The following KLF12 variants were observed in gnomAD, a reference collection of about 807,000 sequenced individuals.
KLF12 encodes the protein Krueppel-like factor 12.
Under a neutral mutation model 37.8 loss-of-function variants are expected in KLF12, and 9 were observed. The observed-to-expected ratio is 0.24, with a 90% CI of 0.14 to 0.42. The LOEUF is 0.42. KLF12 is among the 10% of genes least tolerant of loss of function. The probability of loss-of-function intolerance (pLI) is 1.00; values close to 1 mark genes in which losing one functional copy is unlikely to be tolerated. For synonymous variants in KLF12, 208 were observed against 202.1 expected (o/e 1.03, Z -0.25); for missense variants, 411 against 516.0 (o/e 0.80, Z 1.97).
At chr13:74,134,142 G>C (rs563483676), upstream of KLF12, among the ~76,000 whole-genome samples, 1 of 113,878 alleles carries the variant, frequency 8.8e-6, no homozygotes, top group Non-Finnish European at 1.7e-5. Flanking sequence ...CGCAGCTCAG[G>C]AAACCGGAGA....
At chr13:74,290,122 G>A in the KLF12 span, among the ~76,000 whole-genome samples, 3 of 152,150 alleles carry the variant, frequency 2.0e-5, no homozygotes, top group South Asian at 6.2e-4. Context: ...TAGACCCCCA[G>A]ACAGCATGGG....
chr13:73,750,368 T>G (rs1212533321), intron 6 of KLF12, among the ~76,000 whole-genome samples: 1 of 152,160 alleles, frequency 6.6e-6, no homozygotes, highest in Non-Finnish European at 1.5e-5. Context: ...ATGAGGATAG[T>G]GGAAGAGATG....
At chr13:73,933,731 A>C (rs150717958) in intron 3 of KLF12, among the ~76,000 whole-genome samples, 202 of 152,308 alleles carry the variant, frequency 1.3e-3, no homozygotes, top group African/African-American at 4.5e-3. Context: ...TATACAAAGC[A>C]ATCTGCTCAA....
intron 1 of KLF12, among the ~76,000 whole-genome samples, chr13:74,123,832 T>C (rs1038208489): frequency 1.3e-5 from 2 of 152,228 alleles, no homozygotes; most frequent in African/African-American, 2.4e-5. Context: ...GGGAAAAAAC[T>C]ATTTTACTGG....
In KLF12 at chr13:73,872,449, C is replaced by T. The variant is rs982471252; in HGVS notation, c.124-26076G>A. 6.6e-5 allele frequency among the ~76,000 whole-genome samples: 10 copies of T among 152,240 alleles called. 1 individual carries two copies. Among genetic ancestry groups the T allele is most frequent in the East Asian group, 5.8e-4 (3 of 5,186 alleles). On this transcript the variant is annotated intron_variant, in intron 3 of 7. Transcript: ENST00000377669. The stretch of plus-strand genomic sequence containing the variant: ...ATGGATTACTAAATCTCCTCAGTGC[C>T]GTATCTGAGGGCAGAATGTAAGGTG...
At chr13:73,913,449 T>C (rs1292875852) in intron 3 of KLF12, among the ~76,000 whole-genome samples, 1 of 152,198 alleles carries the variant, frequency 6.6e-6, no homozygotes, top group African/African-American at 2.4e-5. Flanking sequence ...GCACATTTCA[T>C]TCAGCTTGAT....
At chr13:74,279,381 T>C in the KLF12 span, among the ~76,000 whole-genome samples, 151 of 152,272 alleles carry the variant, frequency 9.9e-4, 1 homozygote, top group African/African-American at 3.4e-3. Context: ...ATGGAAGAAA[T>C]GTTATGTAAC....
the KLF12 span, among the ~76,000 whole-genome samples, chr13:74,172,784 G>A: frequency 1.3e-5 from 2 of 152,144 alleles, no homozygotes; most frequent in African/African-American, 2.4e-5. Context: ...AAGAGCATGG[G>A]CGACCTGAAT....
the KLF12 span, among the ~76,000 whole-genome samples, chr13:74,230,316 G>T: frequency 6.6e-6 from 1 of 152,198 alleles, no homozygotes; most frequent in Non-Finnish European, 1.5e-5. Flanking sequence ...CAGCCCTGCA[G>T]AACTGTGAGT....
chr13:74,017,930 G>A (rs1892742130), intron 1 of KLF12, among the ~76,000 whole-genome samples: 1 of 152,058 alleles, frequency 6.6e-6, no homozygotes, highest in African/African-American at 2.4e-5. Flanking sequence ...TGTCATCTCT[G>A]CTAGGCTGGG....
intron 5 of KLF12, among the ~76,000 whole-genome samples, chr13:73,765,307 G>A (rs1022165714): frequency 6.6e-6 from 1 of 152,064 alleles, no homozygotes; most frequent in Non-Finnish European, 1.5e-5. Flanking sequence ...CCCTTGCCAG[G>A]TACAAGGGTG....
At chr13:73,782,290 T>C (rs1263129185) in intron 5 of KLF12, among the ~76,000 whole-genome samples, 2 of 152,232 alleles carry the variant, frequency 1.3e-5, no homozygotes, top group Non-Finnish European at 2.9e-5. Flanking sequence ...TTGATGATCT[T>C]GTCCTTACTT....
At chr13:73,900,287 C>T (rs1045495289) in intron 3 of KLF12, among the ~76,000 whole-genome samples, 1 of 152,116 alleles carries the variant, frequency 6.6e-6, no homozygotes, top group African/African-American at 2.4e-5. Flanking sequence ...ATTAGACCTC[C>T]ACATGTTAAA....
chr13:73,902,607 T>C (rs183071145), intron 3 of KLF12, among the ~76,000 whole-genome samples: 219 of 152,358 alleles, frequency 1.4e-3, no homozygotes, highest in Non-Finnish European at 2.5e-3. Flanking sequence ...AGGAGAATGG[T>C]CGCACTTACA....
At chr13:73,938,461 C>T (rs1428262591) in intron 3 of KLF12, among the ~76,000 whole-genome samples, 1 of 152,132 alleles carries the variant, frequency 6.6e-6, no homozygotes, top group Admixed American at 6.6e-5. Context: ...AAAAAGCACC[C>T]GTCTCCAAAT....
intron 1 of KLF12, among the ~76,000 whole-genome samples, chr13:74,112,008 T>G (rs892875347): frequency 4.6e-5 from 7 of 152,190 alleles, no homozygotes; most frequent in African/African-American, 1.4e-4. Flanking sequence ...ATATCTGTTC[T>G]TTATAGCAAA....
the KLF12 span, among the ~76,000 whole-genome samples, chr13:74,229,514 C>T: frequency 6.6e-6 from 1 of 152,130 alleles, no homozygotes. Flanking sequence ...ATGGTAACAA[C>T]AGTTTTTATT....
At chr13:74,245,337 C>CTATCTATCTATCT in the KLF12 span, among the ~76,000 whole-genome samples, 53 of 149,264 alleles carry the variant, frequency 3.6e-4, no homozygotes, top group Non-Finnish European at 5.3e-4. Context: ...ATCTATCTAT[C>CTATCTATCTATCT]TATCATCTAC....
intron 4 of KLF12, among the ~76,000 whole-genome samples, chr13:73,832,607 G>A (rs534705919): frequency 5.3e-5 from 8 of 152,114 alleles, no homozygotes; most frequent in Non-Finnish European, 1.0e-4. Flanking sequence ...TTCGTGCTGC[G>A]GTTTACTTAA....
Sources: gnomAD v4.1 joint callset for allele counts (sites outside exome capture counted in the v4.1 genomes callset) on GRCh38, gnomAD v4.1.1 for gene constraint, MANE v1.5 for transcripts, NCBI Gene and HGNC (gene_info 2026-07-23, HGNC 2026-07-21) for gene names.